The following ERC1 variants were observed in gnomAD, a reference collection of about 807,000 sequenced individuals.
The protein encoded by ERC1 is ELKS/RAB6-interacting/CAST family member 1.
A neutral mutation model predicts 132.0 loss-of-function variants in ERC1; 56 were observed. The observed-to-expected ratio is 0.42, with a 90% confidence interval of 0.34 to 0.53. The LOEUF is 0.53. ERC1 is among the 20% of genes least tolerant of loss of function. The probability of loss-of-function intolerance (pLI) is 0.03; values close to 1 mark genes in which losing one functional copy is unlikely to be tolerated. For missense variants in ERC1, 1,202 were observed against 1,349.9 expected, an observed-to-expected ratio of 0.89 and a Z score of 1.72; for synonymous variants, 478 against 476.1, an observed-to-expected ratio of 1.00 and a Z score of -0.05.
chr12:1,133,234 T>C (rs1032679125), intron 7 of ERC1, among the ~76,000 whole-genome samples: 1 of 152,066 alleles, frequency 6.6e-6, no homozygotes, highest in Admixed American at 6.6e-5. Flanking sequence ...TAGATTAATA[T>C]ATAGTATACA....
At chr12:1,460,594 C>T (rs140713321) in intron 18 of ERC1, among the ~76,000 whole-genome samples, 284 of 152,236 alleles carry the variant, frequency 1.9e-3, no homozygotes, top group African/African-American at 6.2e-3. Context: ...TCCTAGATCT[C>T]TCCACAAAAA....
chr12:1,377,132 G>A (rs367951940), intron 16 of ERC1, among the ~76,000 whole-genome samples: 1 of 152,092 alleles, frequency 6.6e-6, no homozygotes, highest in Admixed American at 6.5e-5. Flanking sequence ...GTATTTCACC[G>A]TTGCCCCAAG....
chr12:1,368,706 A>T (rs929260406), intron 15 of ERC1, among the ~76,000 whole-genome samples: 2 of 152,194 alleles, frequency 1.3e-5, no homozygotes. Context: ...GTTCTCCCTC[A>T]TACTATCCAC....
At chr12:1,368,617 T>C (rs2086883520) in intron 15 of ERC1, among the ~76,000 whole-genome samples, 1 of 152,210 alleles carries the variant, frequency 6.6e-6, no homozygotes, top group Non-Finnish European at 1.5e-5. Context: ...GCAATTTTCG[T>C]ATTCCCTAAA....
At chr12:1,235,727 C>T (rs757862247) in intron 12 of ERC1, among the ~76,000 whole-genome samples, 3 of 152,084 alleles carry the variant, frequency 2.0e-5, no homozygotes, top group Non-Finnish European at 4.4e-5. Flanking sequence ...CAGTTGTGCA[C>T]AGCTAGCAAG....
At chr12:1,177,104 C>A (rs1953819349) in intron 8 of ERC1, among the ~76,000 whole-genome samples, 1 of 152,238 alleles carries the variant, frequency 6.6e-6, no homozygotes. Context: ...CTCTCTCAAT[C>A]TTCATTGAAA....
chr12:1,424,856 A>AGATCGATC (rs1207190534), intron 17 of ERC1, among the ~76,000 whole-genome samples: 4 of 113,042 alleles, frequency 3.5e-5, no homozygotes, highest in East Asian at 2.7e-4. Flanking sequence ...ATAGATAGAT[A>AGATCGATC]GATAGATCGA....
At chr12:1,409,749 C>T (rs1486653458) in intron 17 of ERC1, among the ~76,000 whole-genome samples, 1 of 152,112 alleles carries the variant, frequency 6.6e-6, no homozygotes, top group Non-Finnish European at 1.5e-5. Context: ...TGCTGCGTTG[C>T]CCAGGCTGGA....
intron 18 of ERC1, among the ~76,000 whole-genome samples, chr12:1,464,402 T>C (rs921997462): frequency 6.6e-6 from 1 of 151,940 alleles, no homozygotes. Flanking sequence ...TCCTTATTAC[T>C]GGTACCTACC....
chr12:1,042,195 G>A (rs549702133), intron 2 of ERC1, among the ~76,000 whole-genome samples: 2 of 151,846 alleles, frequency 1.3e-5, no homozygotes, highest in South Asian at 2.1e-4. Context: ...CTACCACCGC[G>A]CCCAGCTATT....
At chr12:1,105,949 G>A (rs780134716) in intron 4 of ERC1, among the ~76,000 whole-genome samples, 1 of 152,166 alleles carries the variant, frequency 6.6e-6, no homozygotes, top group Non-Finnish European at 1.5e-5. Flanking sequence ...TTTGTGAAAG[G>A]GTTGAGGGTA....
intron 16 of ERC1, among the ~76,000 whole-genome samples, chr12:1,407,535 T>C (rs977900356): frequency 6.6e-6 from 1 of 152,150 alleles, no homozygotes; most frequent in Non-Finnish European, 1.5e-5. Flanking sequence ...TTTTATTTTT[T>C]ATTTTTTTAA....
intron 16 of ERC1, among the ~76,000 whole-genome samples, chr12:1,396,901 G>C (rs371628106): frequency 6.6e-6 from 1 of 152,092 alleles, no homozygotes; most frequent in Admixed American, 6.6e-5. Flanking sequence ...TCAGTCAAAC[G>C]CCTACCAGTG....
At chr12:1,245,797 G>T (rs61912026) in intron 13 of ERC1, among the ~76,000 whole-genome samples, 45,518 of 152,072 alleles carry the variant, frequency 0.3, 6,944 homozygotes, top group Middle Eastern at 0.39. Context: ...CGATGTCATG[G>T]TGCCACTCAG....
At chr12:1,268,024 T>C (rs1425367763) in intron 14 of ERC1, among the ~76,000 whole-genome samples, 2 of 152,224 alleles carry the variant, frequency 1.3e-5, no homozygotes, top group African/African-American at 4.8e-5. Flanking sequence ...AAGTTCTTCA[T>C]TGGCTGAAAA....
At chr12:1,196,676 G>T (rs1171354717) in intron 12 of ERC1, among the ~76,000 whole-genome samples, 1 of 149,792 alleles carries the variant, frequency 6.7e-6, no homozygotes. Flanking sequence ...TAATTTTTTT[G>T]TAGGGCTGGT....
chr12:1,281,915 G>A (rs1011325148), intron 14 of ERC1, among the ~76,000 whole-genome samples: 10 of 151,950 alleles, frequency 6.6e-5, no homozygotes, highest in Non-Finnish European at 1.5e-5. Flanking sequence ...AGCAGCAGGG[G>A]GATGTTTGCT....
chr12:1,056,823 A>G (rs1169520695), intron 2 of ERC1, among the ~76,000 whole-genome samples: 2 of 152,194 alleles, frequency 1.3e-5, no homozygotes, highest in African/African-American at 2.4e-5. Flanking sequence ...TGTTTGCAGC[A>G]TGATTTTTCA....
At chr12:1,475,201 C>G (rs2154429214) in intron 18 of ERC1, among the ~76,000 whole-genome samples, 1 of 152,244 alleles carries the variant, frequency 6.6e-6, no homozygotes, top group African/African-American at 2.4e-5. Flanking sequence ...ACCAAAGGGC[C>G]TGTATCATCA....
Sources: gnomAD v4.1 joint callset for allele counts (sites outside exome capture counted in the v4.1 genomes callset) on GRCh38, gnomAD v4.1.1 for gene constraint, MANE v1.5 for transcripts, NCBI Gene and HGNC (gene_info 2026-07-23, HGNC 2026-07-21) for gene names.